The following AKR1B15 variants were observed in gnomAD, a reference collection of about 807,000 sequenced individuals.
AKR1B15 encodes the protein estradiol 17-beta-dehydrogenase AKR1B15.
In AKR1B15, 49 loss-of-function variants were observed where a neutral mutation model predicts 38.5. That is an observed-to-expected ratio of 1.27 (90% CI 1.01 to 1.62). The LOEUF is 1.62. AKR1B15 is among the 40% of genes most tolerant of loss of function. AKR1B15 has a pLI of 0.00. For missense variants in AKR1B15, 411 were observed against 381.6 expected, an observed-to-expected ratio of 1.08 and a Z score of -0.64; for synonymous variants, 137 against 135.5, an observed-to-expected ratio of 1.01 and a Z score of -0.08.
chr7:134,570,155 G>T (rs1189246467), intron 5 of AKR1B15: 1 of 152,402 alleles, frequency 6.6e-6, no homozygotes, highest in African/African-American at 2.4e-5. Flanking sequence ...TACAGTTGTA[G>T]ATAAGGGATG....
chr7:134,551,964 G>A (rs1793997985), intron 1 of AKR1B15, among the ~76,000 whole-genome samples: 1 of 152,168 alleles, frequency 6.6e-6, no homozygotes, highest in African/African-American at 2.4e-5. Context: ...CACCACAGTG[G>A]GGGGCCAGCC....
chr7:134,579,003 G>A (rs73453391), intron 11 of AKR1B15, among the ~76,000 whole-genome samples: 9,179 of 152,286 alleles, frequency 0.06, 432 homozygotes, highest in African/African-American at 0.13. Flanking sequence ...TTTCTTCGCT[G>A]TGTGACATTG....
intron 5 of AKR1B15, among the ~76,000 whole-genome samples, chr7:134,571,255 C>T (rs1431610397): frequency 1.3e-5 from 2 of 152,162 alleles, no homozygotes; most frequent in East Asian, 1.9e-4. Flanking sequence ...AAACCACACC[C>T]TGGAGATCTA....
intron 1 of AKR1B15, among the ~76,000 whole-genome samples, chr7:134,554,745 T>C (rs1365862616): frequency 2.6e-5 from 4 of 152,174 alleles, no homozygotes. Flanking sequence ...ACTGAGGCAT[T>C]TGCCACCAAA....
At chr7:134,555,492 T>G (rs1431704324) in intron 1 of AKR1B15, among the ~76,000 whole-genome samples, 3 of 152,028 alleles carry the variant, frequency 2.0e-5, no homozygotes, top group Non-Finnish European at 2.9e-5. Flanking sequence ...CTAAGTTGAG[T>G]AAAGCTATCG....
At chr7:134,575,740 T>A (rs1466541060) in intron 7 of AKR1B15, 81 bp from the exon 8 acceptor site, 19 of 1,589,720 alleles carry the variant, frequency 1.2e-5, no homozygotes, top group Non-Finnish European at 1.6e-5. Flanking sequence ...CTTGGTGGAC[T>A]TTTTTTGTGT....
At chr7:134,570,969 CTG>C (rs1452952302) in intron 5 of AKR1B15, among the ~76,000 whole-genome samples, 1 of 152,210 alleles carries the variant, frequency 6.6e-6, no homozygotes, top group Non-Finnish European at 1.5e-5. Flanking sequence ...TCTTCCATAA[CTG>C]TATTCCAGGG....
chr7:134,571,792 G>T, intron 6 of AKR1B15, 111 bp downstream of exon 6: 1 of 862,764 alleles, frequency 1.2e-6, no homozygotes, highest in Non-Finnish European at 1.9e-6. Context: ...TTTCATCATT[G>T]TGATTCTCTA....
At chr7:134,573,452 C>T (rs1794704942) in intron 6 of AKR1B15, 2 of 985,218 alleles carry the variant, frequency 2.0e-6, no homozygotes, top group African/African-American at 1.7e-5. Flanking sequence ...ATGAGGATGA[C>T]TGCTAAAGAA....
intron 6 of AKR1B15, among the ~76,000 whole-genome samples, chr7:134,574,827 G>T (rs912996615): frequency 3.3e-5 from 5 of 152,178 alleles, no homozygotes; most frequent in Non-Finnish European, 7.4e-5. Context: ...TCAGGTTTTA[G>T]CCCCACACAA....
Position 134,576,378 on chromosome 7 carries a change from A to G in AKR1B15, c.773A>G (p.Glu258Gly), listed in dbSNP as rs1274250178. ...AAACCTGAGGACCCTTCCCTGCTGG[A>G]GGATCCCAAGATTAAGGAGATTGCT... ...WAKPEDPSLL[E>G]DPKIKEIAAK... The change falls in exon 9 of 12, where the codon GAG becomes GGG. Residue 258 changes from glutamate to glycine, a missense_variant. By Grantham distance (98) the Glu-to-Gly change is moderately conservative. Transcript: ENST00000457545. 6 of 1,614,028 alleles carry G rather than the reference A, an allele frequency of 3.7e-6. No individual in the cohort carries two copies. Among genetic ancestry groups the G allele is most frequent in the Non-Finnish European group, 4.2e-6 (5 of 1,180,000 alleles).
chr7:134,569,432 A>C lies in AKR1B15; in HGVS notation c.338A>C (p.Glu113Ala), dbSNP rs745678013. The change falls in exon 5 of 12, where the codon GAG (glutamate) becomes GCG (alanine). Residue 113 changes from glutamate (E) to alanine (A), a missense_variant. Coordinates refer to ENST00000457545, the MANE Select transcript of AKR1B15 (RefSeq NM_001080538.3). ...TTGCAGGTGTGGCCCACTTTCTTTGAGAGACCCCTTGTGAGGAAAGCCTTT... is the reference window on the plus strand; with the variant it reads ...TTGCAGGTGTGGCCCACTTTCTTTGCGAGACCCCTTGTGAGGAAAGCCTTT... ...IVSKVWPTFF[E>A]RPLVRKAFEK... 16 of 1,614,052 alleles carry C rather than the reference A, an allele frequency of 9.9e-6. No homozygotes were observed. Among genetic ancestry groups the C allele is most frequent in the Non-Finnish European group, 1.4e-5 (16 of 1,179,940 alleles).
intron 2 of AKR1B15, among the ~76,000 whole-genome samples, chr7:134,558,768 C>A (rs1357020620): frequency 6.6e-6 from 1 of 152,150 alleles, no homozygotes; most frequent in Non-Finnish European, 1.5e-5. Flanking sequence ...AACAAAGGAT[C>A]ATTTCCTCAA....
chr7:134,551,969 C>G (rs1793998477), intron 1 of AKR1B15, among the ~76,000 whole-genome samples: 1 of 152,252 alleles, frequency 6.6e-6, no homozygotes, highest in South Asian at 2.1e-4. Flanking sequence ...CAGTGGGGGG[C>G]CAGCCTGTAC....
chr7:134,550,069 C>T (rs751745938), intron 1 of AKR1B15, among the ~76,000 whole-genome samples: 19 of 152,156 alleles, frequency 1.2e-4, no homozygotes, highest in Non-Finnish European at 2.4e-4. Flanking sequence ...CACGCCCCAA[C>T]GACTGGTCCA....
At chr7:134,565,642 A>G (rs1264668856) in intron 3 of AKR1B15, 6 of 1,539,614 alleles carry the variant, frequency 3.9e-6, no homozygotes, top group Non-Finnish European at 5.3e-6. Flanking sequence ...GAGGTCGGGT[A>G]GGGGTTTGGA....
At chr7:134,558,729 C>G (rs1475771591) in intron 2 of AKR1B15, among the ~76,000 whole-genome samples, 1 of 152,202 alleles carries the variant, frequency 6.6e-6, no homozygotes, top group East Asian at 1.9e-4. Flanking sequence ...GCCCTACTTA[C>G]ACTCCATTGC....
At chr7:134,562,283 G>C (rs919501784) in intron 2 of AKR1B15, among the ~76,000 whole-genome samples, 1 of 152,166 alleles carries the variant, frequency 6.6e-6, no homozygotes. Flanking sequence ...TTTGAACAGC[G>C]GAAGAACAAT....
intron 6 of AKR1B15, among the ~76,000 whole-genome samples, chr7:134,573,768 T>G (rs1794709376): frequency 6.6e-6 from 1 of 152,218 alleles, no homozygotes; most frequent in South Asian, 2.1e-4. Flanking sequence ...TTGAATAACT[T>G]AATCTATGCT....
Sources: gnomAD v4.1 joint callset for allele counts (sites outside exome capture counted in the v4.1 genomes callset) on GRCh38, gnomAD v4.1.1 for gene constraint, MANE v1.5 for transcripts, NCBI Gene and HGNC (gene_info 2026-07-23, HGNC 2026-07-21) for gene names.